The following SCN11A variants were observed in gnomAD, a reference collection of about 807,000 sequenced individuals.
SCN11A encodes the protein sodium voltage-gated channel alpha subunit 11, also known as sodium channel protein type 11 subunit alpha.
SCN11A carries 122 observed loss-of-function variants against 162.2 expected under a neutral mutation model. The ratio of observed to expected loss-of-function variants is 0.75; its 90% CI spans 0.65 to 0.87. The LOEUF is 0.87. Ranked by LOEUF, SCN11A falls within the 40% of genes least tolerant of loss-of-function variation. The probability of loss-of-function intolerance (pLI) is 0.00; values close to 1 mark genes in which losing one functional copy is unlikely to be tolerated. For synonymous variants in SCN11A, 758 were observed against 751.5 expected (o/e 1.01, Z -0.14); for missense variants, 2,015 against 2,181.6 (o/e 0.92, Z 1.52).
At chr3:38,872,340 A>T (rs998187229) in intron 23 of SCN11A, 46 bp from the exon 24 acceptor site, 1 of 1,052,410 alleles carries the variant, frequency 9.5e-7, no homozygotes, top group African/African-American at 1.6e-5. Flanking sequence ...CTTGGTGTCC[A>T]GCTGGAAAGT....
rs576177815 is a variant in SCN11A at position 39,048,386 on chromosome 3, T to C, written c.-404+3475A>G. The stretch of plus-strand genomic sequence containing the variant: ...GAGAAGGGTAAAGGAGAGGATTATA[T>C]ATAGAGAGGTTGGTTAACACATATA... On this transcript the variant is annotated intron_variant, in intron 1 of 29. Transcript: ENST00000302328. 1.8e-3 allele frequency among the ~76,000 whole-genome samples: 276 copies of C among 152,140 alleles called. 2 individuals carry two copies. Among genetic ancestry groups the C allele is most frequent in the Non-Finnish European group, 1.3e-3 (86 of 68,020 alleles).
intron 6 of SCN11A, among the ~76,000 whole-genome samples, chr3:38,946,206 G>T (rs2066513925): frequency 6.6e-6 from 1 of 152,132 alleles, no homozygotes; most frequent in South Asian, 2.1e-4. Flanking sequence ...GCCACAAGAG[G>T]GGTGCAGAGG....
chr3:38,945,190 T>C (rs577748461), intron 7 of SCN11A, among the ~76,000 whole-genome samples: 1 of 152,282 alleles, frequency 6.6e-6, no homozygotes, highest in South Asian at 2.1e-4. Flanking sequence ...TGGATACCTA[T>C]AAAACTTATG....
chr3:38,855,033 C>G (rs888420635), intron 28 of SCN11A, among the ~76,000 whole-genome samples: 3 of 152,192 alleles, frequency 2.0e-5, no homozygotes, highest in African/African-American at 7.2e-5. Context: ...GCTGCAGATA[C>G]GAGTGCAGGA....
At chr3:38,857,992 A>G (rs1038915350) in intron 28 of SCN11A, among the ~76,000 whole-genome samples, 1 of 152,186 alleles carries the variant, frequency 6.6e-6, no homozygotes, top group African/African-American at 2.4e-5. Flanking sequence ...GAAATGCAAA[A>G]AGGAGTTCTA....
chr3:38,903,080 T>A (rs893606311), intron 16 of SCN11A, among the ~76,000 whole-genome samples: 3 of 152,198 alleles, frequency 2.0e-5, no homozygotes, highest in African/African-American at 7.2e-5. Context: ...CATTTATTAT[T>A]TTTTAAATTA....
rs751872297 is a variant in SCN11A at position 38,883,216 on chromosome 3, A to C, written c.3219+17T>G. Reference sequence around the variant, plus strand: ...TGCCCTGATGCCCAATGTCTCCACAAGACAATGATGATTTACCAGTGCCCC... The same window carrying C: ...TGCCCTGATGCCCAATGTCTCCACACGACAATGATGATTTACCAGTGCCCC... On this transcript the variant is annotated intron_variant, in intron 22 of 29. Coordinates refer to ENST00000302328, the MANE Select transcript of SCN11A (RefSeq NM_001349253.2). The C allele has an allele frequency of 6.2e-7, 1 of 1,607,972 alleles. No individual in the cohort carries two copies. The highest frequency in any genetic ancestry group is 1.1e-5 in the South Asian group (1 of 89,884).
chr3:38,924,081 C>T (rs563603694), intron 9 of SCN11A, among the ~76,000 whole-genome samples: 2 of 152,228 alleles, frequency 1.3e-5, no homozygotes, highest in South Asian at 2.1e-4. Flanking sequence ...AGGTGGAAGC[C>T]GGGATCTTTA....
At chr3:38,853,223 T>A (rs943796745) in intron 28 of SCN11A, among the ~76,000 whole-genome samples, 1 of 152,246 alleles carries the variant, frequency 6.6e-6, no homozygotes, top group Non-Finnish European at 1.5e-5. Flanking sequence ...GTCTTGTGAC[T>A]CTTTTAGTTA....
intron 2 of SCN11A, among the ~76,000 whole-genome samples, chr3:38,979,775 C>T (rs1471626453): frequency 6.6e-6 from 1 of 152,176 alleles, no homozygotes; most frequent in Non-Finnish European, 1.5e-5. Flanking sequence ...TTTGTCTTCT[C>T]TAATGGATTC....
At chr3:38,905,486 T>G (rs2065778954) in intron 14 of SCN11A, among the ~76,000 whole-genome samples, 165 bp from the exon 15 acceptor site, 1 of 152,256 alleles carries the variant, frequency 6.6e-6, no homozygotes, top group Non-Finnish European at 1.5e-5. Flanking sequence ...TTTTCTTATT[T>G]CATGTTTAAC....
rs143552867 is a variant in SCN11A, at chr3:39,008,707, G to A, written c.-280+23673C>T. Among the ~76,000 whole-genome samples the A allele has an allele frequency of 5.4e-3, 823 of 152,138 alleles. 7 individuals carry two copies. Among genetic ancestry groups the A allele is most frequent in the African/African-American group, 0.015 (632 of 41,514 alleles). ...ACTTTGAGACCTGCCTGGCCAACAT[G>A]GTGAAACCCCATCTCTACTAAAATA... On this transcript the variant is annotated intron_variant, in intron 2 of 29. Transcript: ENST00000302328.
chr3:38,857,090 A>C (rs2064882330), intron 28 of SCN11A, among the ~76,000 whole-genome samples: 1 of 152,204 alleles, frequency 6.6e-6, no homozygotes, highest in Admixed American at 6.5e-5. Flanking sequence ...ATATGACAAA[A>C]TAGGTTCTAT....
At chr3:39,030,258 C>T (rs1001696939) in intron 2 of SCN11A, among the ~76,000 whole-genome samples, 2 of 152,226 alleles carry the variant, frequency 1.3e-5, no homozygotes, top group Admixed American at 1.3e-4. Flanking sequence ...CCTGTAACCA[C>T]TGCTGAAAAC....
chr3:39,016,685 C>A (rs977013214), intron 2 of SCN11A, among the ~76,000 whole-genome samples: 2 of 152,214 alleles, frequency 1.3e-5, no homozygotes, highest in East Asian at 1.9e-4. Flanking sequence ...TCACTGCAAC[C>A]TCCACCTCCT....
At chr3:38,863,109 A>C (rs903476749) in intron 28 of SCN11A, 86 bp downstream of exon 28, 2 of 812,714 alleles carry the variant, frequency 2.5e-6, no homozygotes, top group African/African-American at 3.4e-5. Flanking sequence ...AATTTTAAGA[A>C]TAAAGAAGGA....
At chr3:38,984,867 C>G (rs61237957) in intron 2 of SCN11A, among the ~76,000 whole-genome samples, 1 of 151,916 alleles carries the variant, frequency 6.6e-6, no homozygotes, top group Non-Finnish European at 1.5e-5. Flanking sequence ...AGGGAACATT[C>G]CAAGAAAATA....
intron 2 of SCN11A, among the ~76,000 whole-genome samples, chr3:38,990,614 A>C (rs1395313399): frequency 6.6e-6 from 1 of 152,198 alleles, no homozygotes; most frequent in Non-Finnish European, 1.5e-5. Context: ...CTTTGAGAAC[A>C]ATAACAATAG....
At chr3:38,863,025 T>C (rs1299240442) in intron 28 of SCN11A, among the ~76,000 whole-genome samples, 170 bp downstream of exon 28, 1 of 152,164 alleles carries the variant, frequency 6.6e-6, no homozygotes, top group Non-Finnish European at 1.5e-5. Context: ...AGGCTCTTAC[T>C]TTTGAGTTTG....
Sources: gnomAD v4.1 joint callset for allele counts (sites outside exome capture counted in the v4.1 genomes callset) on GRCh38, gnomAD v4.1.1 for gene constraint, MANE v1.5 for transcripts, NCBI Gene and HGNC (gene_info 2026-07-23, HGNC 2026-07-21) for gene names.